The following DLGAP2 variants were observed in gnomAD, a reference collection of about 807,000 sequenced individuals.
DLGAP2 encodes the protein disks large-associated protein 2.
A neutral mutation model predicts 100.3 loss-of-function variants in DLGAP2; 26 were observed. The observed-to-expected ratio is 0.26, with a 90% confidence interval of 0.19 to 0.36. The LOEUF is 0.36. Among genes scored for constraint, DLGAP2 ranks in the 10% least tolerant of loss-of-function variants. The pLI, the probability that DLGAP2 is intolerant of heterozygous loss-of-function variation, is 1.00. For synonymous variants in DLGAP2, 886 were observed against 630.1 expected (o/e 1.41, Z -6.08); for missense variants, 1,858 against 1,453.2 (o/e 1.28, Z -4.53).
At chr8:1,442,072 A>C (rs1176864290) in intron 3 of DLGAP2, among the ~76,000 whole-genome samples, 1 of 152,230 alleles carries the variant, frequency 6.6e-6, no homozygotes, top group African/African-American at 2.4e-5. Flanking sequence ...TACTAAACTC[A>C]GGAGCAACAG....
chr8:893,916 T>C (rs749537804), intron 1 of DLGAP2, among the ~76,000 whole-genome samples: 16 of 152,226 alleles, frequency 1.1e-4, no homozygotes, highest in Non-Finnish European at 2.2e-4. Flanking sequence ...ATGGTTACTG[T>C]TGAAGCATTG....
intron 1 of DLGAP2, among the ~76,000 whole-genome samples, chr8:821,431 C>A (rs570504885): frequency 6.6e-6 from 1 of 152,186 alleles, no homozygotes; most frequent in Middle Eastern, 3.2e-3. Context: ...CACAAGTGTT[C>A]GTACTTCCTC....
intron 1 of DLGAP2, among the ~76,000 whole-genome samples, chr8:854,794 G>C (rs1180509324): frequency 6.6e-6 from 1 of 152,144 alleles, no homozygotes; most frequent in Non-Finnish European, 1.5e-5. Context: ...ATGTGGTTTT[G>C]GAAATACTGA....
At chr8:1,156,936 C>T (rs1796803115) in intron 2 of DLGAP2, among the ~76,000 whole-genome samples, 1 of 152,132 alleles carries the variant, frequency 6.6e-6, no homozygotes, top group Non-Finnish European at 1.5e-5. Context: ...TCGGTCCATC[C>T]TTGAGTTCCT....
intron 2 of DLGAP2, among the ~76,000 whole-genome samples, chr8:1,171,516 C>CT (rs1475542554): frequency 6.6e-6 from 1 of 151,830 alleles, no homozygotes; most frequent in Non-Finnish European, 1.5e-5. Context: ...GTGTGGGAGT[C>CT]TAAGTCTCTT....
At chr8:1,477,323 T>C (rs1798963316) in intron 3 of DLGAP2, among the ~76,000 whole-genome samples, 1 of 152,156 alleles carries the variant, frequency 6.6e-6, no homozygotes. Flanking sequence ...GCCATGTTGG[T>C]GGCAGGGCTG....
At chr8:852,215 C>T (rs78764261) in intron 1 of DLGAP2, among the ~76,000 whole-genome samples, 1 of 152,264 alleles carries the variant, frequency 6.6e-6, no homozygotes, top group East Asian at 1.9e-4. Context: ...CTGTCTCTCT[C>T]ACCTTTCTCT....
At chr8:1,110,486 G>A (rs1445582725) in intron 2 of DLGAP2, among the ~76,000 whole-genome samples, 3 of 150,714 alleles carry the variant, frequency 2.0e-5, no homozygotes, top group African/African-American at 4.9e-5. Context: ...ACATGTGCTC[G>A]GTCTGTGATG....
intron 3 of DLGAP2, among the ~76,000 whole-genome samples, chr8:1,285,749 G>C (rs1425217061): frequency 1.3e-5 from 2 of 152,130 alleles, no homozygotes; most frequent in Non-Finnish European, 2.9e-5. Flanking sequence ...CAGGAGGATT[G>C]CTTAAGCCCA....
chr8:1,539,412 C>T (rs944909813), intron 4 of DLGAP2, among the ~76,000 whole-genome samples: 19 of 152,164 alleles, frequency 1.2e-4, no homozygotes, highest in Admixed American at 9.8e-4. Flanking sequence ...ACAACACTGG[C>T]GACTGTTCCT....
At chr8:1,191,247 C>T (rs1563242845) in intron 2 of DLGAP2, among the ~76,000 whole-genome samples, 1 of 56,278 alleles carries the variant, frequency 1.8e-5, no homozygotes, top group Non-Finnish European at 5.0e-5. Flanking sequence ...TCTCGGCTCA[C>T]TGCAGCTCCA....
chr8:1,323,493 C>T (rs1023311507), intron 3 of DLGAP2, among the ~76,000 whole-genome samples: 1 of 152,230 alleles, frequency 6.6e-6, no homozygotes, highest in African/African-American at 2.4e-5. Flanking sequence ...ACTGTGGCTC[C>T]TGCTGTACCA....
intron 3 of DLGAP2, among the ~76,000 whole-genome samples, chr8:1,266,417 C>G (rs544340445): frequency 6.6e-6 from 1 of 152,280 alleles, no homozygotes; most frequent in Admixed American, 6.5e-5. Flanking sequence ...CTGTCCCTTC[C>G]CGGGGTCCTC....
At chr8:1,692,471 G>A (rs916681245) in intron 13 of DLGAP2, among the ~76,000 whole-genome samples, 3 of 151,740 alleles carry the variant, frequency 2.0e-5, no homozygotes, top group African/African-American at 7.3e-5. Context: ...ATATGGCCCT[G>A]GTTTAAGCAG....
chr8:1,706,978 C>A lies in DLGAP2; in HGVS notation c.*5572C>A, dbSNP rs760684615. ...TTATGAATTGCTGTCCTAACCCTGG[C>A]GTTTTTATCCAGTGTTAAAATAAAT... On this transcript the variant is annotated 3_prime_UTR_variant, in exon 15 of 15. Transcript: ENST00000637795. The A allele has an allele frequency of 6.6e-5, 10 of 152,596 alleles. No individual in the cohort carries two copies. The highest frequency in any genetic ancestry group is 1.5e-4 in the Non-Finnish European group (10 of 68,034). The allele number at this position is 152,596 out of a possible 1,614,324, so 9.5% of individuals were successfully genotyped here.
At chr8:804,627 C>G (rs945345809) in intron 1 of DLGAP2, among the ~76,000 whole-genome samples, 1 of 152,152 alleles carries the variant, frequency 6.6e-6, no homozygotes, top group African/African-American at 2.4e-5. Flanking sequence ...AAAGTTCTAG[C>G]ATAAGAAAAA....
intron 6 of DLGAP2, among the ~76,000 whole-genome samples, chr8:1,595,891 C>T (rs1490653745): frequency 6.6e-6 from 1 of 150,838 alleles, no homozygotes; most frequent in East Asian, 2.0e-4. Flanking sequence ...TATTATTATA[C>T]TTTAAGTTTT....
chr8:1,543,220 T>C (rs1387523210), intron 4 of DLGAP2, among the ~76,000 whole-genome samples: 1 of 152,252 alleles, frequency 6.6e-6, no homozygotes, highest in African/African-American at 2.4e-5. Flanking sequence ...GTTTATTTTA[T>C]CTATATTTTT....
intron 4 of DLGAP2, among the ~76,000 whole-genome samples, chr8:1,521,384 G>A (rs376975959): frequency 7.0e-4 from 35 of 50,246 alleles, no homozygotes; most frequent in Middle Eastern, 0.017. Context: ...AATACTCGGG[G>A]GCAGGTGATA....
Sources: allele counts gnomAD v4.1 joint callset (sites outside exome capture counted in the v4.1 genomes callset), GRCh38; gene constraint gnomAD v4.1.1; transcripts MANE v1.5; gene names NCBI Gene and HGNC (gene_info 2026-07-23, HGNC 2026-07-21).